Variants in KRABD5 observed in about 807,000 individuals in gnomAD.
The protein encoded by KRABD5 is KRAB domain-containing protein 5.
At chr16:31,754,092 A>G in the KRABD5 span, 1 of 733,852 alleles carries the variant, frequency 1.4e-6, no homozygotes, top group Non-Finnish European at 2.4e-6. Context: ...CTTTTCTTTT[A>G]AAGGAAATTT....
the KRABD5 span, among the ~76,000 whole-genome samples, chr16:31,738,585 G>GT: frequency 6.6e-6 from 1 of 151,928 alleles, no homozygotes; most frequent in African/African-American, 2.4e-5. Flanking sequence ...TCTAAAGTTG[G>GT]TTTTCCCTAG....
chr16:31,748,933 C>T, the KRABD5 span, among the ~76,000 whole-genome samples: 1 of 152,214 alleles, frequency 6.6e-6, no homozygotes, highest in Admixed American at 6.5e-5. Flanking sequence ...GGGTCTCACC[C>T]TGTTGGGTGG....
chr16:31,734,777 T>C, the KRABD5 span, among the ~76,000 whole-genome samples: 4 of 151,168 alleles, frequency 2.6e-5, no homozygotes, highest in African/African-American at 9.7e-5. Flanking sequence ...GACAGAGTCT[T>C]GCTCTGTTGC....
At chr16:31,758,783 A>G in the KRABD5 span, 1 of 152,274 alleles carries the variant, frequency 6.6e-6, no homozygotes, top group East Asian at 1.9e-4. Context: ...TCAAAAAAAA[A>G]AAAAGAAAAG....
At chr16:31,736,517 CTT>C in the KRABD5 span, among the ~76,000 whole-genome samples, 152 of 128,484 alleles carry the variant, frequency 1.2e-3, 1 homozygote, top group African/African-American at 3.8e-3. Context: ...TAATAATATT[CTT>C]TTTTTTTTTT....
At chr16:31,725,397 C>T in the KRABD5 span, among the ~76,000 whole-genome samples, 3 of 152,276 alleles carry the variant, frequency 2.0e-5, no homozygotes, top group South Asian at 2.1e-4. Flanking sequence ...AGATTACAGG[C>T]GTGAGCCACT....
the KRABD5 span, among the ~76,000 whole-genome samples, chr16:31,744,654 G>T: frequency 6.6e-6 from 1 of 152,168 alleles, no homozygotes; most frequent in African/African-American, 2.4e-5. Flanking sequence ...AGTTATTGAG[G>T]AGTCCCTCCT....
the KRABD5 span, among the ~76,000 whole-genome samples, chr16:31,748,018 T>G: frequency 3.7e-4 from 57 of 152,228 alleles, no homozygotes; most frequent in Middle Eastern, 3.4e-3. Flanking sequence ...GTCAATTTTG[T>G]CTTTTGTTGC....
chr16:31,741,123 T>A, the KRABD5 span, among the ~76,000 whole-genome samples: 1 of 152,210 alleles, frequency 6.6e-6, no homozygotes, highest in Non-Finnish European at 1.5e-5. Flanking sequence ...TGCATCCATG[T>A]TGTTGCAAAG....
chr16:31,723,469 C>T, the KRABD5 span: 11 of 1,024,850 alleles, frequency 1.1e-5, no homozygotes, highest in Non-Finnish European at 2.8e-6. Flanking sequence ...TTTGAGACAC[C>T]TGGGTTTATT....
the KRABD5 span, chr16:31,713,357 A>G: frequency 6.4e-7 from 1 of 1,570,742 alleles, no homozygotes; most frequent in Non-Finnish European, 8.7e-7. Flanking sequence ...GAATAGACAG[A>G]ACCTCTGTTA....
At chr16:31,729,879 A>T in the KRABD5 span, among the ~76,000 whole-genome samples, 1 of 152,024 alleles carries the variant, frequency 6.6e-6, no homozygotes, top group African/African-American at 2.4e-5. Context: ...GATGATAATT[A>T]TCCAACTTTT....
the KRABD5 span, chr16:31,754,593 T>C: frequency 2.1e-6 from 1 of 487,174 alleles, no homozygotes; most frequent in South Asian, 1.5e-5. Flanking sequence ...ACCAACCATG[T>C]CCATCAGAGT....
the KRABD5 span, chr16:31,733,532 A>C: frequency 2.2e-6 from 1 of 456,250 alleles, no homozygotes; most frequent in Non-Finnish European, 4.4e-6. Context: ...AATACCCATT[A>C]AACAACAAAT....
chr16:31,722,569 A>G, the KRABD5 span: 2 of 1,587,994 alleles, frequency 1.3e-6, no homozygotes. Context: ...TTGGTTTGTC[A>G]AGTGATGAAC....
At chr16:31,751,404 A>G in the KRABD5 span, among the ~76,000 whole-genome samples, 1 of 152,174 alleles carries the variant, frequency 6.6e-6, no homozygotes, top group Non-Finnish European at 1.5e-5. Context: ...CTGTGAATCC[A>G]TCTTGTCCAG....
chr16:31,757,563 T>C, the KRABD5 span: 1 of 152,222 alleles, frequency 6.6e-6, no homozygotes, highest in Non-Finnish European at 1.5e-5. Flanking sequence ...AAAAACAGTA[T>C]TTTGATTGAA....
the KRABD5 span, chr16:31,754,395 C>T: frequency 1.6e-6 from 1 of 613,418 alleles, no homozygotes; most frequent in East Asian, 2.7e-5. Flanking sequence ...CATAATAAAA[C>T]TTTGACAGCC....
At chr16:31,717,694 C>T in the KRABD5 span, among the ~76,000 whole-genome samples, 1 of 152,086 alleles carries the variant, frequency 6.6e-6, no homozygotes, top group Non-Finnish European at 1.5e-5. Context: ...AGTTTTCTTT[C>T]GTTTCTACCA....
Sources: allele counts gnomAD v4.1 joint callset (sites outside exome capture counted in the v4.1 genomes callset), GRCh38; gene constraint gnomAD v4.1.1; transcripts MANE v1.5; gene names NCBI Gene and HGNC (gene_info 2026-07-23, HGNC 2026-07-21).